The following KIF1A variants were observed in gnomAD, a reference collection of about 807,000 sequenced individuals.
KIF1A encodes the protein kinesin-like protein KIF1A.
Under a neutral mutation model 227.3 loss-of-function variants are expected in KIF1A, and 46 were observed. That is an observed-to-expected ratio of 0.20 (90% confidence interval 0.16 to 0.26). The LOEUF is 0.26. Among genes scored for constraint, KIF1A ranks in the 10% least tolerant of loss-of-function variants. The pLI is 1.00. For missense variants in KIF1A, 1,683 were observed against 2,485.9 expected (o/e 0.68, Z 6.87); for synonymous variants, 1,022 against 1,012.8 (o/e 1.01, Z -0.17).
intron 28 of KIF1A, among the ~76,000 whole-genome samples, chr2:240,747,579 A>C (rs927403948): frequency 2.0e-5 from 3 of 152,316 alleles, no homozygotes; most frequent in Admixed American, 6.5e-5. Context: ...CACAAAGTCT[A>C]TATTTTCAAA....
At chr2:240,807,084 G>C (rs62187838) in intron 1 of KIF1A, among the ~76,000 whole-genome samples, 1 of 115,862 alleles carries the variant, frequency 8.6e-6, no homozygotes, top group African/African-American at 2.9e-5. Flanking sequence ...ATATATGTGT[G>C]TGTGTGTGTG....
chr2:240,767,360 G>C lies in KIF1A; in HGVS notation c.1498-15C>G, dbSNP rs760557226. 1 of 1,606,912 alleles carries C rather than the reference G, an allele frequency of 6.2e-7. No homozygotes were observed. The highest frequency in any genetic ancestry group is 1.3e-5 in the African/African-American group (1 of 74,786). ...AGGTGTGGTGTCTGCAGGGAGACAG[G>C]AGGATCATCTCTCTTGCAGAGGGGC... On this transcript the variant is annotated splice_polypyrimidine_tract_variant and intron_variant, in intron 17 of 48. Transcript: ENST00000498729.
In KIF1A at chr2:240,752,116, C is replaced by T. The variant is rs2049290725; in HGVS notation, c.2859-1569G>A. Among the ~76,000 whole-genome samples the T allele has an allele frequency of 6.6e-6, 1 of 152,130 alleles. No homozygotes were observed. Among genetic ancestry groups the T allele is most frequent in the African/African-American group, 2.4e-5 (1 of 41,432 alleles). On this transcript the variant is annotated intron_variant, in intron 27 of 48. Coordinates refer to ENST00000498729, the MANE Select transcript of KIF1A (RefSeq NM_001244008.2). This position sits in a 1 kb window ranked among gnomAD's most constrained non-coding sequence, Gnocchi z 6.4. The stretch of plus-strand genomic sequence containing the variant: ...CCTCTCTCCGGGGGTAAAGGAAGCC[C>T]CTGGTGGCTTTTTGGGCCCTCTCCC...
chr2:240,722,373 C>T (rs1160373735), intron 43 of KIF1A, 83 bp downstream of exon 43: 23 of 1,350,062 alleles, frequency 1.7e-5, no homozygotes, highest in South Asian at 1.4e-4. Context: ...TGGGCAAGGC[C>T]GGGTTGCTGG....
chr2:240,791,272 C>A (rs553962565), intron 2 of KIF1A, among the ~76,000 whole-genome samples: 1 of 152,160 alleles, frequency 6.6e-6, no homozygotes, highest in Admixed American at 6.5e-5. Context: ...TCAACCAGCG[C>A]TGTGGAAACA....
Position 240,766,437 on chromosome 2 carries a change from C to A in KIF1A, c.1684+478G>T, listed in dbSNP as rs1337827695. Among the ~76,000 whole-genome samples, 1 of 152,200 alleles carries A rather than the reference C, an allele frequency of 6.6e-6. No homozygotes were observed. The highest frequency in any genetic ancestry group is 1.5e-5 in the Non-Finnish European group (1 of 68,030). The stretch of plus-strand genomic sequence containing the variant: ...GCAGGGGAAACGGACAGATGGCCGC[C>A]CACAGCCAACAGGAAACCAAGGTCT... On this transcript the variant is annotated intron_variant, in intron 19 of 48. Transcript: ENST00000498729. The surrounding 1 kb of genome is among the most constrained non-coding windows in gnomAD (Gnocchi z 5.0).
At position 240,766,744 on chromosome 2, in the gene KIF1A, C is replaced by CCAAA; in HGVS notation, c.1684+170_1684+171insTTTG. Among the ~76,000 whole-genome samples the CCAAA allele has an allele frequency of 9.4e-6, 1 of 106,862 alleles. No individual in the cohort carries two copies. The highest frequency in any genetic ancestry group is 1.8e-5 in the Non-Finnish European group (1 of 54,418). 70.1% of individuals were successfully genotyped at this position (106,862 alleles called of 152,430 possible). A position where few individuals can be genotyped will look rare whatever the true frequency, so the allele number is the denominator to read the frequency against. ...CAAATCTCTCTCTCTCTCTCTCTCT[C>CCAAA]TCTCTCACACACACACACACACACA... is the stretch of plus-strand genomic sequence containing the variant. On this transcript the variant is annotated intron_variant, in intron 19 of 48. Coordinates refer to ENST00000498729, the MANE Select transcript of KIF1A (RefSeq NM_001244008.2). This position sits in a 1 kb window ranked among gnomAD's most constrained non-coding sequence, Gnocchi z 5.0.
At chr2:240,764,743 C>T (rs2050939137) in intron 20 of KIF1A, among the ~76,000 whole-genome samples, 2 of 152,178 alleles carry the variant, frequency 1.3e-5, no homozygotes, top group Non-Finnish European at 2.9e-5. Context: ...TGCACATGTG[C>T]TCCACACCTG....
Position 240,789,989 on chromosome 2 carries a change from T to TG in KIF1A, c.107-678dup, listed in dbSNP as rs35573098. Among the ~76,000 whole-genome samples, 5 of 152,118 alleles carry TG rather than the reference T, an allele frequency of 3.3e-5. No homozygotes were observed. Among genetic ancestry groups the TG allele is most frequent in the East Asian group, 3.9e-4 (2 of 5,138 alleles). ...GATGCCCCCGCCCACAGCCGGTGCC[T>TG]GGGGGGGTTTCCCAGGAGCTGTCCC... On this transcript the variant is annotated intron_variant, in intron 2 of 48. Transcript: ENST00000498729. This position sits in a 1 kb window ranked among gnomAD's most constrained non-coding sequence, Gnocchi z 4.8.
At position 240,758,499 on chromosome 2, in the gene KIF1A, TGCAGGGACG is replaced by T. The variant is rs2050131485; in HGVS notation, c.2445-11_2445-3del. On this transcript the variant is annotated splice_polypyrimidine_tract_variant and splice_region_variant and intron_variant, in intron 25 of 48. Transcript: ENST00000498729. The surrounding 1 kb of genome is among the most constrained non-coding windows in gnomAD (Gnocchi z 5.2). ...TCCCGCATCAGGTCCAGACGCTGCC[TGCAGGGACG>T]GCAGGGGTCAATGTGGACCCAGGCC... The T allele has an allele frequency of 6.4e-7, 1 of 1,574,758 alleles. No individual in the cohort carries two copies. Among genetic ancestry groups the T allele is most frequent in the Non-Finnish European group, 8.6e-7 (1 of 1,158,852 alleles).
chr2:240,776,379 G>A (rs955255268), intron 10 of KIF1A, among the ~76,000 whole-genome samples: 6 of 152,138 alleles, frequency 3.9e-5, no homozygotes, highest in African/African-American at 9.7e-5. Flanking sequence ...CCTCTGCCAC[G>A]CTTACCTCCC....
Position 240,787,260 on chromosome 2 carries a change from G to A in KIF1A, c.420C>T (p.Tyr140=), listed in dbSNP as rs1300729090. The part of the protein sequence containing the change: ...INDTTNDNMS[Y]SVEVSYMEIY... Reference sequence around the variant, plus strand: ...AGGCGGGGAGCCCTACCTCCACGGAGTAGGACATGTTGTCGTTGGTCGTGT... The same window carrying A: ...AGGCGGGGAGCCCTACCTCCACGGAATAGGACATGTTGTCGTTGGTCGTGT... Residue 140 remains tyrosine (Y), a synonymous_variant, in exon 5 of 49, where the codon TAC becomes TAT. Transcript: ENST00000498729. 6.2e-6 allele frequency: 10 copies of A among 1,613,066 alleles called. No homozygotes were observed. The highest frequency in any genetic ancestry group is 1.7e-5 in the Admixed American group (1 of 60,016).
chr2:240,726,841 G>C lies in KIF1A; in HGVS notation c.4107C>G (p.Leu1369=), dbSNP rs750344596. The change falls in exon 39 of 49, where the codon CTC becomes CTG. Residue 1369 remains leucine (L), a synonymous_variant. Transcript: ENST00000498729. This position sits in a 1 kb window ranked among gnomAD's most constrained non-coding sequence, Gnocchi z 5.2. ...GGTGCCTTGCCTCGATATAAGCGGAGAGTGTCATGTAGATTTTCTCTCGAT... is the reference window on the plus strand; with the variant it reads ...GGTGCCTTGCCTCGATATAAGCGGACAGTGTCATGTAGATTTTCTCTCGAT... ...TPYREKIYMT[L]SAYIEMENCT... is the part of the protein sequence containing the mutation. 5 of 1,608,812 alleles carry C rather than the reference G, an allele frequency of 3.1e-6. No homozygotes were observed. The South Asian group carries it at 5.5e-5, about 18-fold the overall frequency.
At chr2:240,811,269 G>A (rs949422027) in intron 1 of KIF1A, among the ~76,000 whole-genome samples, 4 of 152,262 alleles carry the variant, frequency 2.6e-5, no homozygotes, top group Non-Finnish European at 4.4e-5. Flanking sequence ...GGAGGCTGAG[G>A]TAGGAGAATC....
chr2:240,810,079 G>T (rs904241731), intron 1 of KIF1A, among the ~76,000 whole-genome samples: 1 of 152,038 alleles, frequency 6.6e-6, no homozygotes, highest in Non-Finnish European at 1.5e-5. Context: ...CTCCCAAAGC[G>T]CTGGAATTAC....
At chr2:240,806,136 G>T (rs894554736) in intron 1 of KIF1A, among the ~76,000 whole-genome samples, 1 of 152,220 alleles carries the variant, frequency 6.6e-6, no homozygotes, top group Non-Finnish European at 1.5e-5. Flanking sequence ...CTCCAAATCT[G>T]CCTGGAGGCA....
In KIF1A at chr2:240,793,626, C is replaced by T. The variant is rs933329304; in HGVS notation, c.106+4021G>A. On this transcript the variant is annotated intron_variant, in intron 2 of 48. Transcript: ENST00000498729. The surrounding 1 kb of genome is among the most constrained non-coding windows in gnomAD (Gnocchi z 4.8). ...CCAACCTACACTAGCTCTGCCAGGT[C>T]GGACCGAAGTGCACCTAATGGACAG... Among the ~76,000 whole-genome samples, 2 of 152,210 alleles carry T rather than the reference C, an allele frequency of 1.3e-5. No homozygotes were observed. The highest frequency in any genetic ancestry group is 2.1e-4 in the South Asian group (1 of 4,832).
intron 2 of KIF1A, among the ~76,000 whole-genome samples, chr2:240,791,259 C>T (rs1011674153): frequency 2.6e-5 from 4 of 152,152 alleles, no homozygotes; most frequent in South Asian, 2.1e-4. Context: ...AACCCTAGCA[C>T]GATCAACCAG....
At chr2:240,809,292 GA>G (rs547243403) in intron 1 of KIF1A, among the ~76,000 whole-genome samples, 1 of 151,926 alleles carries the variant, frequency 6.6e-6, no homozygotes, top group East Asian at 1.9e-4. Flanking sequence ...TGAAGAAGAA[GA>G]AAAAAAAGAC....
Sources: gnomAD v4.1 joint callset for allele counts (sites outside exome capture counted in the v4.1 genomes callset) on GRCh38, gnomAD v4.1.1 for gene constraint, Gnocchi (gnomAD v3.1) non-coding constraint, MANE v1.5 for transcripts, NCBI Gene and HGNC (gene_info 2026-07-23, HGNC 2026-07-21) for gene names.